The following CTDSPL2 variants were observed in gnomAD, a reference collection of about 807,000 sequenced individuals.
CTDSPL2 encodes CTD small phosphatase-like protein 2.
In CTDSPL2, 5 loss-of-function variants were observed where a neutral mutation model predicts 60.0. That is an observed-to-expected ratio of 0.08 (90% CI 0.04 to 0.18). CTDSPL2 has a LOEUF of 0.18. Ranked by LOEUF, CTDSPL2 falls within the 10% of genes least tolerant of loss-of-function variation. The pLI is 1.00. For synonymous variants in CTDSPL2, 186 were observed against 189.3 expected, an observed-to-expected ratio of 0.98 and a Z score of 0.14; for missense variants, 370 against 548.8, an observed-to-expected ratio of 0.67 and a Z score of 3.26.
intron 1 of CTDSPL2, among the ~76,000 whole-genome samples, chr15:44,441,149 A>G (rs560157405): frequency 6.6e-6 from 1 of 152,154 alleles, no homozygotes; most frequent in East Asian, 1.9e-4. Context: ...TATTAGAGAC[A>G]TTAGTAAGAT....
intron 4 of CTDSPL2, among the ~76,000 whole-genome samples, chr15:44,486,969 G>A (rs1017112904): frequency 1.3e-5 from 2 of 152,146 alleles, no homozygotes; most frequent in South Asian, 4.1e-4. Flanking sequence ...GTTTCACCAT[G>A]TTGACCAGGC....
intron 2 of CTDSPL2, among the ~76,000 whole-genome samples, chr15:44,467,459 A>G (rs970111483): frequency 6.6e-6 from 1 of 152,080 alleles, no homozygotes; most frequent in Non-Finnish European, 1.5e-5. Flanking sequence ...GTTATCTTTT[A>G]TTAGTTGGTG....
intron 5 of CTDSPL2, among the ~76,000 whole-genome samples, chr15:44,493,805 T>C (rs1595756354): frequency 1.3e-5 from 2 of 151,874 alleles, no homozygotes; most frequent in East Asian, 3.8e-4. Context: ...TCTCAAAAAA[T>C]AATAATAAAA....
chr15:44,477,537 T>TA (rs58856492), intron 2 of CTDSPL2, among the ~76,000 whole-genome samples: 3,611 of 132,192 alleles, frequency 0.027, 112 homozygotes, highest in African/African-American at 0.089. Context: ...CCTGTCTTTT[T>TA]AAAAAAAAAA....
chr15:44,452,501 A>G (rs1273986307), intron 1 of CTDSPL2, among the ~76,000 whole-genome samples: 1 of 152,146 alleles, frequency 6.6e-6, no homozygotes, highest in Non-Finnish European at 1.5e-5. Flanking sequence ...GGCTGTCAGG[A>G]ATATTTTTGT....
rs376756628 is a variant in CTDSPL2 at position 44,490,908 on chromosome 15, C to T, written c.600C>T (p.Tyr200=). The T allele has an allele frequency of 1.9e-6, 3 of 1,614,068 alleles. No homozygotes were observed. Among genetic ancestry groups the T allele is most frequent in the Non-Finnish European group, 2.5e-6 (3 of 1,179,982 alleles). ...CTACATCAACTAATGGAGCAGCTTA[C>T]TCAAATCAAGCAGTTCAAGTGAGAC... is the stretch of plus-strand genomic sequence containing the variant. ...STTTSTNGAA[Y]SNQAVQVRPS... The change falls in exon 5 of 13, where the codon TAC becomes TAT. Residue 200 remains tyrosine, a synonymous_variant. Coordinates refer to ENST00000260327, the MANE Select transcript of CTDSPL2 (RefSeq NM_016396.3).
chr15:44,504,898 G>A (rs1247442832), intron 8 of CTDSPL2, among the ~76,000 whole-genome samples: 1 of 152,074 alleles, frequency 6.6e-6, no homozygotes, highest in South Asian at 2.1e-4. Flanking sequence ...ATAATTAATT[G>A]TAGATGAATA....
chr15:44,499,747 T>C lies in CTDSPL2; in HGVS notation c.903T>C (p.Cys301=), dbSNP rs2081357443. The change falls in exon 8 of 13, where the codon TGT becomes TGC. Residue 301 remains cysteine (C), a synonymous_variant. Coordinates refer to ENST00000260327, the MANE Select transcript of CTDSPL2 (RefSeq NM_016396.3). ...TTAAGGATGAAACACTAGTGCATTG[T>C]AGTCTAAATGAGCTAGAAGATGCAG... ...VLDLDETLVH[C]SLNELEDAAL... is the part of the protein sequence containing the mutation. The C allele has an allele frequency of 6.3e-7, 1 of 1,598,386 alleles. No homozygotes were observed. The highest frequency in any genetic ancestry group is 1.1e-5 in the South Asian group (1 of 90,158).
At chr15:44,457,722 C>T (rs925359760) in intron 1 of CTDSPL2, among the ~76,000 whole-genome samples, 3 of 152,302 alleles carry the variant, frequency 2.0e-5, no homozygotes, top group African/African-American at 4.8e-5. Flanking sequence ...AGCAGTTCTC[C>T]TGCCTCAGCC....
rs1399880273 is a variant in CTDSPL2 at position 44,525,065 on chromosome 15, A to G, written c.*891A>G. 2.2e-5 allele frequency: 5 copies of G among 224,842 alleles called. No individual in the cohort carries two copies. Among genetic ancestry groups the G allele is most frequent in the African/African-American group, 1.1e-4 (5 of 44,344 alleles). 13.9% of individuals were successfully genotyped at this position (224,842 alleles called of 1,614,324 possible). On this transcript the variant is annotated 3_prime_UTR_variant, in exon 13 of 13. Transcript: ENST00000260327. The stretch of plus-strand genomic sequence containing the variant: ...TACCTCAGACTTCACTGTGCTCACA[A>G]ATCTTTGAGGAGAAAGTTTGGTCAC...
intron 1 of CTDSPL2, among the ~76,000 whole-genome samples, chr15:44,443,498 T>C (rs2080135209): frequency 6.6e-6 from 1 of 152,254 alleles, no homozygotes; most frequent in South Asian, 2.1e-4. Flanking sequence ...ACAGCAGCTT[T>C]ACTATTTTAC....
At chr15:44,457,034 G>A (rs1186557671) in intron 1 of CTDSPL2, among the ~76,000 whole-genome samples, 3 of 151,826 alleles carry the variant, frequency 2.0e-5, no homozygotes, top group Non-Finnish European at 4.4e-5. Flanking sequence ...GCACCACCAT[G>A]GCCAGCTAAT....
At chr15:44,433,859 A>T (rs2079914419) in intron 1 of CTDSPL2, among the ~76,000 whole-genome samples, 1 of 150,696 alleles carries the variant, frequency 6.6e-6, no homozygotes, top group Non-Finnish European at 1.5e-5. Flanking sequence ...AGGCTAAGGC[A>T]GGAGAATCGC....
At chr15:44,449,233 G>T in intron 1 of CTDSPL2, 3 of 263,730 alleles carry the variant, frequency 1.1e-5, no homozygotes, top group South Asian at 1.1e-4. Context: ...TCACTATCAG[G>T]ATCTTTCACT....
chr15:44,498,576 A>G (rs2081339534), intron 7 of CTDSPL2, among the ~76,000 whole-genome samples: 1 of 151,916 alleles, frequency 6.6e-6, no homozygotes, highest in Non-Finnish European at 1.5e-5. Context: ...ACAAAGTGAG[A>G]TCTCATTTCA....
intron 2 of CTDSPL2, among the ~76,000 whole-genome samples, chr15:44,477,489 C>T (rs964535287): frequency 6.0e-5 from 9 of 150,724 alleles, no homozygotes; most frequent in Admixed American, 2.0e-4. Context: ...TAGCTAAGAT[C>T]GTGCCATTGC....
intron 2 of CTDSPL2, among the ~76,000 whole-genome samples, chr15:44,475,065 A>G (rs1214159762): frequency 6.6e-6 from 1 of 152,122 alleles, no homozygotes; most frequent in East Asian, 1.9e-4. Flanking sequence ...TTTGCTAATT[A>G]GTTGGTGCTG....
At chr15:44,499,259 G>A (rs561304470) in intron 7 of CTDSPL2, among the ~76,000 whole-genome samples, 12 of 152,220 alleles carry the variant, frequency 7.9e-5, no homozygotes, top group Admixed American at 1.3e-4. Context: ...ACAAAAATTA[G>A]CCAGACGTGA....
chr15:44,514,940 A>G, intron 10 of CTDSPL2, 96 bp downstream of exon 10: 2 of 730,858 alleles, frequency 2.7e-6, no homozygotes, highest in Non-Finnish European at 4.6e-6. Flanking sequence ...AGTTGGCTGC[A>G]TATGTGTTGA....
Sources: gnomAD v4.1 joint callset for allele counts (sites outside exome capture counted in the v4.1 genomes callset) on GRCh38, gnomAD v4.1.1 for gene constraint, MANE v1.5 for transcripts, NCBI Gene and HGNC (gene_info 2026-07-23, HGNC 2026-07-21) for gene names.